The following TPH2 variants were observed in gnomAD, a reference collection of about 807,000 sequenced individuals.
TPH2 encodes the protein tryptophan hydroxylase 2, also known as tryptophan 5-hydroxylase 2.
In TPH2, 27 loss-of-function variants were observed where a neutral mutation model predicts 59.1. The ratio of observed to expected loss-of-function variants is 0.46; its 90% CI spans 0.34 to 0.63. TPH2 has a LOEUF of 0.63. TPH2 is among the 30% of genes least tolerant of loss of function. The pLI is 0.01. For synonymous variants in TPH2, 220 were observed against 210.5 expected (o/e 1.05, Z -0.39); for missense variants, 523 against 588.3 (o/e 0.89, Z 1.15).
intron 8 of TPH2, 68 bp from the exon 9 acceptor site, chr12:72,022,331 G>T: frequency 1.8e-6 from 2 of 1,085,564 alleles, no homozygotes; most frequent in Non-Finnish European, 1.4e-6. Context: ...ATTTTGTTTT[G>T]GGTGCCATTT....
intron 4 of TPH2, among the ~76,000 whole-genome samples, chr12:71,947,375 T>C (rs1037049538): frequency 6.6e-6 from 1 of 151,752 alleles, no homozygotes; most frequent in East Asian, 1.9e-4. Context: ...CACTTTAGAG[T>C]TCAGGCTGGG....
chr12:71,975,294 G>A (rs2139205806), intron 6 of TPH2, among the ~76,000 whole-genome samples: 1 of 152,278 alleles, frequency 6.6e-6, no homozygotes, highest in South Asian at 2.1e-4. Flanking sequence ...GTAGTGAGCT[G>A]AGATCACGCC....
intron 5 of TPH2, chr12:71,961,509 G>A (rs1010758574): frequency 1.5e-6 from 2 of 1,349,344 alleles, no homozygotes; most frequent in Non-Finnish European, 2.0e-6. Flanking sequence ...AGATGTATCT[G>A]ATTAAATCTG....
intron 7 of TPH2, among the ~76,000 whole-genome samples, chr12:71,981,057 C>T (rs1332304490): frequency 1.3e-5 from 2 of 152,188 alleles, no homozygotes; most frequent in African/African-American, 4.8e-5. Context: ...CAGAGGAAGG[C>T]ACAGTCCTGA....
At chr12:71,954,843 T>C (rs1400292883) in intron 5 of TPH2, among the ~76,000 whole-genome samples, 8 of 146,788 alleles carry the variant, frequency 5.5e-5, no homozygotes, top group Non-Finnish European at 6.0e-5. Flanking sequence ...ATTTTTTTTT[T>C]CGTGGGGATG....
At chr12:72,030,117 C>T (rs1873681289) in intron 9 of TPH2, among the ~76,000 whole-genome samples, 1 of 152,154 alleles carries the variant, frequency 6.6e-6, no homozygotes, top group Non-Finnish European at 1.5e-5. Context: ...TAGACCTGGA[C>T]TAAAGCCCCA....
intron 8 of TPH2, among the ~76,000 whole-genome samples, chr12:72,004,913 T>C (rs1241615147): frequency 1.3e-5 from 2 of 152,218 alleles, no homozygotes; most frequent in African/African-American, 4.8e-5. Flanking sequence ...GTAAAATGTA[T>C]TACTGTACAT....
At chr12:71,960,279 T>C (rs1295207537) in intron 5 of TPH2, among the ~76,000 whole-genome samples, 1 of 152,194 alleles carries the variant, frequency 6.6e-6, no homozygotes, top group Non-Finnish European at 1.5e-5. Context: ...ATGCCACGTC[T>C]TTTCTTTTTT....
rs1871465692 is a variant in TPH2, at chr12:71,955,422, C to G, written c.608+5767C>G. The stretch of plus-strand genomic sequence containing the variant: ...ACCAAAGGCATGGGGTTTACTCAGA[C>G]CCCTGACAACATAAAGGCCTTGGCT... On this transcript the variant is annotated intron_variant, in intron 5 of 10. Coordinates refer to ENST00000333850, the MANE Select transcript of TPH2 (RefSeq NM_173353.4). Among the ~76,000 whole-genome samples, 6 of 152,278 alleles carry G rather than the reference C, an allele frequency of 3.9e-5. No homozygotes were observed. In the South Asian group the frequency reaches 1.2e-3, roughly 32 times the overall value.
chr12:71,957,044 G>T (rs1448042229), intron 5 of TPH2, among the ~76,000 whole-genome samples: 3 of 152,166 alleles, frequency 2.0e-5, no homozygotes, highest in Non-Finnish European at 2.9e-5. Flanking sequence ...ATAGGATTTG[G>T]AGCTAGACAG....
At chr12:72,016,310 G>A (rs984648484) in intron 8 of TPH2, among the ~76,000 whole-genome samples, 4 of 152,072 alleles carry the variant, frequency 2.6e-5, no homozygotes, top group Non-Finnish European at 5.9e-5. Context: ...TCAATATGGA[G>A]CGTTTATTTA....
chr12:71,986,160 A>T (rs1406322432), intron 7 of TPH2, among the ~76,000 whole-genome samples: 2 of 152,226 alleles, frequency 1.3e-5, no homozygotes, highest in Non-Finnish European at 2.9e-5. Flanking sequence ...AGCTCCCAGT[A>T]TGACTGTCGG....
chr12:71,962,485 T>C, intron 5 of TPH2: 2 of 985,064 alleles, frequency 2.0e-6, no homozygotes, highest in Non-Finnish European at 2.4e-6. Context: ...ATTGAGAAAA[T>C]TAGAAAAAAG....
intron 5 of TPH2, among the ~76,000 whole-genome samples, chr12:71,953,163 T>C (rs911591987): frequency 9.1e-5 from 12 of 132,420 alleles, no homozygotes; most frequent in African/African-American, 3.3e-4. Context: ...TTTTCCCTGC[T>C]TTTTTTTTTT....
intron 9 of TPH2, among the ~76,000 whole-genome samples, chr12:72,028,503 G>A (rs775338467): frequency 6.6e-6 from 1 of 152,126 alleles, no homozygotes; most frequent in Non-Finnish European, 1.5e-5. Flanking sequence ...TTCAGAGATA[G>A]GAGACTTCAT....
intron 5 of TPH2, among the ~76,000 whole-genome samples, chr12:71,960,197 T>G (rs2139193803): frequency 6.6e-6 from 1 of 152,338 alleles, no homozygotes; most frequent in East Asian, 1.9e-4. Flanking sequence ...TAGGATAGTT[T>G]CTGAGGAAGG....
At chr12:71,953,395 C>T (rs547286526) in intron 5 of TPH2, among the ~76,000 whole-genome samples, 1 of 152,118 alleles carries the variant, frequency 6.6e-6, no homozygotes, top group East Asian at 1.9e-4. Flanking sequence ...TCCTGTGTGT[C>T]ACTTTTGGGC....
At chr12:72,010,504 T>A (rs1873072640) in intron 8 of TPH2, among the ~76,000 whole-genome samples, 1 of 152,064 alleles carries the variant, frequency 6.6e-6, no homozygotes, top group African/African-American at 2.4e-5. Flanking sequence ...ATGACTTCAT[T>A]AATAAAAACT....
chr12:71,995,079 A>C (rs551213452), intron 8 of TPH2, among the ~76,000 whole-genome samples: 100 of 152,332 alleles, frequency 6.6e-4, no homozygotes, highest in Admixed American at 1.0e-3. Flanking sequence ...AGGTGGTTGT[A>C]GTCAGACATA....
Sources: allele counts gnomAD v4.1 joint callset (sites outside exome capture counted in the v4.1 genomes callset), GRCh38; gene constraint gnomAD v4.1.1; transcripts MANE v1.5; gene names NCBI Gene and HGNC (gene_info 2026-07-23, HGNC 2026-07-21).